Variants in N4BP2 observed in about 807,000 individuals in gnomAD.
N4BP2 encodes NEDD4 binding protein 2, also known as NEDD4-binding protein 2.
N4BP2 carries 91 observed loss-of-function variants against 152.8 expected under a neutral mutation model. The observed-to-expected ratio is 0.60, with a 90% CI of 0.50 to 0.71. N4BP2 has a LOEUF of 0.71. Ranked by LOEUF, N4BP2 falls within the 30% of genes least tolerant of loss-of-function variation. The pLI is 0.00. For synonymous variants in N4BP2, 646 were observed against 705.3 expected, an observed-to-expected ratio of 0.92 and a Z score of 1.33; for missense variants, 1,923 against 2,059.1, an observed-to-expected ratio of 0.93 and a Z score of 1.28.
chr4:40,118,565 T>C (rs913011248), intron 8 of N4BP2, among the ~76,000 whole-genome samples: 1 of 152,244 alleles, frequency 6.6e-6, no homozygotes, highest in Admixed American at 6.5e-5. Context: ...ACAGTTCTTT[T>C]ATTGTCCTCA....
At position 40,102,832 on chromosome 4, in the gene N4BP2, C is replaced by G; in HGVS notation, c.987C>G (p.His329Gln). The G allele has an allele frequency of 6.2e-7, 1 of 1,614,154 alleles. No individual in the cohort carries two copies. The highest frequency in any genetic ancestry group is 1.3e-5 in the African/African-American group (1 of 75,038). Residue 329 changes from histidine (H) to glutamine (Q), a missense_variant, in exon 4 of 18, where the codon CAC (histidine) becomes CAG (glutamine). Coordinates refer to ENST00000261435, the MANE Select transcript of N4BP2 (RefSeq NM_018177.6). ...LPSEGFNFKPHKHPELPTKGK... is the reference protein window; with the variant it reads ...LPSEGFNFKPQKHPELPTKGK... ...CCGAAGGGTTCAACTTCAAGCCACA[C>G]AAACATCCTGAACTGCCAACTAAGG...
the N4BP2 span, among the ~76,000 whole-genome samples, chr4:40,184,947 C>T: frequency 6.6e-6 from 1 of 151,512 alleles, no homozygotes; most frequent in South Asian, 2.1e-4. Flanking sequence ...CAGAGCAAGA[C>T]TCTGTCTCAA....
At chr4:40,107,959 T>C in intron 5 of N4BP2, among the ~76,000 whole-genome samples, 1 of 151,752 alleles carries the variant, frequency 6.6e-6, no homozygotes, top group East Asian at 1.9e-4. Context: ...TATCTCGCTC[T>C]GTTGCCCTGG....
intron 12 of N4BP2, among the ~76,000 whole-genome samples, chr4:40,126,531 A>G (rs868037533): frequency 1.3e-5 from 2 of 152,190 alleles, no homozygotes; most frequent in Middle Eastern, 3.2e-3. Context: ...ATACTCAACT[A>G]TAAGCCATCC....
At chr4:40,142,925 A>T in intron 15 of N4BP2, 64 bp downstream of exon 15, 1 of 1,341,712 alleles carries the variant, frequency 7.5e-7, no homozygotes, top group African/African-American at 1.5e-5. Context: ...CTTGAAGCAG[A>T]TAAGACACCC....
At chr4:40,180,772 T>C in the N4BP2 span, among the ~76,000 whole-genome samples, 1 of 152,216 alleles carries the variant, frequency 6.6e-6, no homozygotes, top group Non-Finnish European at 1.5e-5. Context: ...TTTCCAGACT[T>C]CTTGTCCTTG....
chr4:40,161,795 G>A (rs1384701538), downstream of N4BP2, among the ~76,000 whole-genome samples: 1 of 152,164 alleles, frequency 6.6e-6, no homozygotes, highest in African/African-American at 2.4e-5. Context: ...TATAAAAAAG[G>A]ATTTTTAAAA....
rs1246708653 is a variant in N4BP2, at chr4:40,119,986, A to G, written c.1875A>G (p.Leu625=). The G allele has an allele frequency of 2.0e-6, 3 of 1,530,318 alleles. No homozygotes were observed. The highest frequency in any genetic ancestry group is 1.4e-5 in the African/African-American group (1 of 71,524). The allele number at this position is 1,530,318 out of a possible 1,614,324, so 94.8% of individuals were successfully genotyped here. The part of the protein sequence containing the change: ...ISEKEENILS[L]SLKHLEFTEE... ...AAAAAGAAGAAAATATTTTATCTTT[A>G]TCTTTGAAGCATCTAGAGTTCACTG... The change falls in exon 9 of 18, where the codon TTA becomes TTG. Residue 625 remains leucine (L), a synonymous_variant. Coordinates refer to ENST00000261435, the MANE Select transcript of N4BP2 (RefSeq NM_018177.6).
At chr4:40,057,963 G>C (rs1001985094) in intron 1 of N4BP2, among the ~76,000 whole-genome samples, 2 of 152,114 alleles carry the variant, frequency 1.3e-5, no homozygotes, top group Non-Finnish European at 2.9e-5. Context: ...CACAGTTCTG[G>C]CTTGAAGGCA....
intron 2 of N4BP2, among the ~76,000 whole-genome samples, chr4:40,093,712 G>C (rs753891725): frequency 6.6e-6 from 1 of 152,146 alleles, no homozygotes; most frequent in African/African-American, 2.4e-5. Context: ...TGCTTCCTGG[G>C]TTCAAACGAT....
chr4:40,103,132 G>T lies in N4BP2; in HGVS notation c.1287G>T (p.Gln429His), dbSNP rs1339529913. The change falls in exon 4 of 18, where the codon CAG becomes CAT. Residue 429 changes from glutamine (Q) to histidine (H), a missense_variant. Gln to His is a conservative substitution (Grantham distance 24, BLOSUM62 0). Coordinates refer to ENST00000261435, the MANE Select transcript of N4BP2 (RefSeq NM_018177.6). Reference sequence around the variant, plus strand: ...AAGTACAAGAAACCCCAGTTTCTCAGGTTGTAAGAAAGAAGACATCTTACG... The same window carrying T: ...AAGTACAAGAAACCCCAGTTTCTCATGTTGTAAGAAAGAAGACATCTTACG... The part of the protein sequence containing the change: ...AYQVQETPVS[Q>H]VVRKKTSYVG... The T allele has an allele frequency of 2.5e-6, 4 of 1,614,096 alleles. No individual in the cohort carries two copies. Among genetic ancestry groups the T allele is most frequent in the Non-Finnish European group, 3.4e-6 (4 of 1,179,940 alleles).
chr4:40,063,563 G>A (rs925259109), intron 1 of N4BP2, among the ~76,000 whole-genome samples: 4 of 151,964 alleles, frequency 2.6e-5, no homozygotes, highest in Admixed American at 6.6e-5. Context: ...GGGAGAGGAC[G>A]GAGTTCTGGG....
intron 16 of N4BP2, among the ~76,000 whole-genome samples, chr4:40,148,659 T>C (rs1164862691): frequency 6.6e-6 from 1 of 152,204 alleles, no homozygotes; most frequent in East Asian, 1.9e-4. Flanking sequence ...TAAATTTTTA[T>C]TTTTATTTAA....
chr4:40,123,896 T>A (rs1050329102), intron 10 of N4BP2, among the ~76,000 whole-genome samples: 7 of 150,758 alleles, frequency 4.6e-5, no homozygotes, highest in Middle Eastern at 3.4e-3. Context: ...TATTTAAAAA[T>A]TTTTTTCAGA....
intron 1 of N4BP2, among the ~76,000 whole-genome samples, chr4:40,069,099 C>T (rs1711870938): frequency 6.6e-6 from 1 of 150,510 alleles, no homozygotes; most frequent in South Asian, 2.1e-4. Flanking sequence ...CACTGAGTGA[C>T]AGAGCGAGAC....
At chr4:40,141,408 G>C (rs1424264713) in intron 14 of N4BP2, among the ~76,000 whole-genome samples, 1 of 151,746 alleles carries the variant, frequency 6.6e-6, no homozygotes, top group Non-Finnish European at 1.5e-5. Flanking sequence ...CCTCCCAGAC[G>C]GGGTCGCGGC....
intron 17 of N4BP2, among the ~76,000 whole-genome samples, chr4:40,153,751 G>A (rs1721355414): frequency 6.6e-6 from 1 of 152,166 alleles, no homozygotes; most frequent in African/African-American, 2.4e-5. Flanking sequence ...ACATTATGTT[G>A]AGATTAATTA....
chr4:40,164,052 T>G, the N4BP2 span, among the ~76,000 whole-genome samples: 2 of 152,068 alleles, frequency 1.3e-5, no homozygotes, highest in African/African-American at 4.8e-5. Context: ...GAGGTAGTGA[T>G]TGGCGGATAG....
At position 40,142,701 on chromosome 4, in the gene N4BP2, C is replaced by T. The variant is rs755202049; in HGVS notation, c.4814C>T (p.Thr1605Ile). The change falls in exon 15 of 18, where the codon ACA becomes ATA. Residue 1605 changes from threonine to isoleucine, a missense_variant. Transcript: ENST00000261435. ...KPKKLKETEETPSELSFQDFE... is the reference protein window; with the variant it reads ...KPKKLKETEEIPSELSFQDFE... ...AAGAAATTAAAAGAGACTGAAGAAACACCAAGTGAACTGTCTTTCCAGGAC... is the reference window on the plus strand; with the variant it reads ...AAGAAATTAAAAGAGACTGAAGAAATACCAAGTGAACTGTCTTTCCAGGAC... The T allele has an allele frequency of 1.2e-6, 2 of 1,611,180 alleles. No homozygotes were observed. Among genetic ancestry groups the T allele is most frequent in the East Asian group, 4.5e-5 (2 of 44,852 alleles).
Sources: allele counts gnomAD v4.1 joint callset (sites outside exome capture counted in the v4.1 genomes callset), GRCh38; gene constraint gnomAD v4.1.1; transcripts MANE v1.5; gene names NCBI Gene and HGNC (gene_info 2026-07-23, HGNC 2026-07-21).